The following SS18L2 variants were observed in gnomAD, a reference collection of about 807,000 sequenced individuals.
SS18L2 encodes the protein SS18-like protein 2.
SS18L2 carries 8 observed loss-of-function variants against 10.3 expected under a neutral mutation model. That is an observed-to-expected ratio of 0.78 (90% CI 0.46 to 1.41). SS18L2 has a LOEUF of 1.41. Ranked by LOEUF, SS18L2 falls within the 40% of genes most tolerant of loss-of-function variation. SS18L2 has a pLI of 0.00. For synonymous variants in SS18L2, 41 were observed against 34.6 expected (o/e 1.19, Z -0.65); for missense variants, 100 against 96.2 (o/e 1.04, Z -0.17).
rs13064311 is a variant in SS18L2 at position 42,596,769 on chromosome 3, C to T, written c.*2260C>T. ...GAGATATTTTATCTCATTTATTTTACAGATGAAGAAAGTAAACTTCAGAGA... is the reference window on the plus strand; with the variant it reads ...GAGATATTTTATCTCATTTATTTTATAGATGAAGAAAGTAAACTTCAGAGA... On this transcript the variant is annotated 3_prime_UTR_variant, in exon 3 of 3. Transcript: ENST00000011691. 0.16 allele frequency among the ~76,000 whole-genome samples: 24,847 copies of T among 152,196 alleles called. 2,549 individuals carry two copies. Among genetic ancestry groups the T allele is most frequent in the East Asian group, 0.47 (2,439 of 5,176 alleles).
chr3:42,594,218 A>G (rs550777475), intron 2 of SS18L2, among the ~76,000 whole-genome samples: 1 of 152,372 alleles, frequency 6.6e-6, no homozygotes, highest in Admixed American at 6.5e-5. Context: ...GCAAGAAATG[A>G]TAGTAGCTAT....
At chr3:42,591,090 G>A in intron 1 of SS18L2, 124 bp downstream of exon 1, 3 of 1,108,724 alleles carry the variant, frequency 2.7e-6, no homozygotes, top group Non-Finnish European at 3.9e-6. Flanking sequence ...CTGAGCAGCC[G>A]GGGTGCGGGG....
At position 42,595,150 on chromosome 3, in the gene SS18L2, T is replaced by G. The variant is rs1704991899; in HGVS notation, c.*641T>G. The G allele has an allele frequency of 6.6e-6, 1 of 152,250 alleles. No individual in the cohort carries two copies. The highest frequency in any genetic ancestry group is 2.1e-4 in the South Asian group (1 of 4,838). 9.4% of individuals were successfully genotyped at this position (152,250 alleles called of 1,614,324 possible). On this transcript the variant is annotated 3_prime_UTR_variant, in exon 3 of 3. Coordinates refer to ENST00000011691, the MANE Select transcript of SS18L2 (RefSeq NM_001370300.1). ...TTTCTAATTATTATCTAATATCATC[T>G]GATAATAGATGATGTTTAATTTTCT...
upstream of SS18L2, among the ~76,000 whole-genome samples, chr3:42,586,342 C>T (rs544973123): frequency 1.3e-5 from 2 of 152,302 alleles, no homozygotes; most frequent in East Asian, 3.9e-4. Context: ...CCAGCCTCAG[C>T]CTCCCAAGTA....
In SS18L2 at chr3:42,595,244, T is replaced by C. The variant is rs1295479013; in HGVS notation, c.*735T>C. 1 of 152,218 alleles carries C rather than the reference T, an allele frequency of 6.6e-6. No homozygotes were observed. Among genetic ancestry groups the C allele is most frequent in the Non-Finnish European group, 1.5e-5 (1 of 68,034 alleles). The allele number at this position is 152,218 out of a possible 1,614,324, so 9.4% of individuals were successfully genotyped here. ...TCCAAATAAGATTCACATGTTGTATTTTGTTGATGTTCCTTTAAGTCACTT... is the reference window on the plus strand; with the variant it reads ...TCCAAATAAGATTCACATGTTGTATCTTGTTGATGTTCCTTTAAGTCACTT... On this transcript the variant is annotated 3_prime_UTR_variant, in exon 3 of 3. Transcript: ENST00000011691.
upstream of SS18L2, among the ~76,000 whole-genome samples, chr3:42,590,179 G>C (rs1315824626): frequency 2.6e-5 from 4 of 152,228 alleles, no homozygotes; most frequent in Non-Finnish European, 5.9e-5. Flanking sequence ...AAAGAGTAAA[G>C]CTAATACCAG....
chr3:42,587,695 C>T (rs1159171271), upstream of SS18L2: 1 of 151,510 alleles, frequency 6.6e-6, no homozygotes, highest in Non-Finnish European at 1.5e-5. Flanking sequence ...GAGATCGTGC[C>T]ACAGCACTCC....
intron 2 of SS18L2, among the ~76,000 whole-genome samples, chr3:42,593,100 TAG>T: frequency 6.6e-6 from 1 of 152,294 alleles, no homozygotes; most frequent in East Asian, 1.9e-4. Context: ...ATAAGTAATC[TAG>T]AGATTATTTA....
intron 1 of SS18L2, among the ~76,000 whole-genome samples, chr3:42,584,261 C>T (rs369606699): frequency 6.6e-6 from 1 of 152,124 alleles, no homozygotes; most frequent in Non-Finnish European, 1.5e-5. Flanking sequence ...GGGCTGAACA[C>T]AGACTTTTTT....
chr3:42,583,884 C>A (rs545503567), intron 1 of SS18L2, among the ~76,000 whole-genome samples: 3 of 152,170 alleles, frequency 2.0e-5, no homozygotes, highest in Admixed American at 6.5e-5. Flanking sequence ...AAGTATTGAG[C>A]CTTTGGACTC....
In SS18L2 at chr3:42,594,626, A is replaced by C; in HGVS notation, c.*117A>C. ...TACCAACTCAACTGGTTAAAACATGAATGAAACCTCTGTGGCTCTTTCGAA... is the reference window on the plus strand; with the variant it reads ...TACCAACTCAACTGGTTAAAACATGCATGAAACCTCTGTGGCTCTTTCGAA... On this transcript the variant is annotated 3_prime_UTR_variant, in exon 3 of 3. Coordinates refer to ENST00000011691, the MANE Select transcript of SS18L2 (RefSeq NM_001370300.1). 1.2e-6 allele frequency: 1 copy of C among 808,052 alleles called. No individual in the cohort carries two copies. Among genetic ancestry groups the C allele is most frequent in the South Asian group, 1.8e-5 (1 of 56,752 alleles). 50.1% of individuals were successfully genotyped at this position (808,052 alleles called of 1,614,324 possible).
chr3:42,586,624 T>C (rs559866308), upstream of SS18L2, among the ~76,000 whole-genome samples: 3 of 151,738 alleles, frequency 2.0e-5, no homozygotes, highest in Non-Finnish European at 2.9e-5. Context: ...CTCTCCTGGT[T>C]TTCCTCTTCC....
intron 1 of SS18L2, 184 bp from the exon 2 acceptor site, chr3:42,591,341 G>A: frequency 1.7e-6 from 1 of 602,592 alleles, no homozygotes; most frequent in Non-Finnish European, 3.0e-6. Context: ...TGGGATTACA[G>A]GAGCGCGACG....
At chr3:42,591,166 C>T in intron 1 of SS18L2, 200 bp downstream of exon 1, 2 of 625,524 alleles carry the variant, frequency 3.2e-6, no homozygotes, top group East Asian at 5.5e-5. Flanking sequence ...GGTCCCCCGC[C>T]GTCCAGACGT....
chr3:42,590,717 G>A, upstream of SS18L2: 1 of 682,286 alleles, frequency 1.5e-6, no homozygotes, highest in Non-Finnish European at 2.6e-6. Flanking sequence ...AAACGCCCCC[G>A]GCGTTCTGGG....
In SS18L2 at chr3:42,591,390, T is replaced by A; in HGVS notation, c.70-135T>A. 5 of 661,162 alleles carry A rather than the reference T, an allele frequency of 7.6e-6. No individual in the cohort carries two copies. The South Asian group carries it at 8.5e-5, about 11-fold the overall frequency. 41.0% of individuals were successfully genotyped at this position (661,162 alleles called of 1,614,324 possible). A position where few individuals can be genotyped will look rare whatever the true frequency, so the allele number is the denominator to read the frequency against. On this transcript the variant is annotated intron_variant, in intron 1 of 2. Transcript: ENST00000011691. ...ATTTTTGTATTTTTAGTATGGGGTT[T>A]CCCCATGTTGGCCAGGCTAGTCTCG...
rs1318955853 is a variant in SS18L2 at position 42,594,612 on chromosome 3, C to T, written c.*103C>T. 5.2e-6 allele frequency: 5 copies of T among 956,214 alleles called. No homozygotes were observed. Among genetic ancestry groups the T allele is most frequent in the African/African-American group, 3.3e-5 (2 of 61,412 alleles). 59.2% of individuals were successfully genotyped at this position (956,214 alleles called of 1,614,324 possible). ...GGAGACAGGGTCTTTACCAACTCAA[C>T]TGGTTAAAACATGAATGAAACCTCT... On this transcript the variant is annotated 3_prime_UTR_variant, in exon 3 of 3. Transcript: ENST00000011691.
At chr3:42,589,123 G>C (rs531453988), upstream of SS18L2, among the ~76,000 whole-genome samples, 119 of 151,882 alleles carry the variant, frequency 7.8e-4, no homozygotes, top group Non-Finnish European at 7.4e-5. Flanking sequence ...AAAAAAATTA[G>C]CCGGGTGTGG....
At chr3:42,587,183 A>T (rs1704641388), upstream of SS18L2, among the ~76,000 whole-genome samples, 1 of 151,868 alleles carries the variant, frequency 6.6e-6, no homozygotes, top group South Asian at 2.1e-4. Context: ...AGCCAATAAA[A>T]CTCTAAATGC....
Sources: gnomAD v4.1 joint callset for allele counts (sites outside exome capture counted in the v4.1 genomes callset) on GRCh38, gnomAD v4.1.1 for gene constraint, MANE v1.5 for transcripts, NCBI Gene and HGNC (gene_info 2026-07-23, HGNC 2026-07-21) for gene names.